Variants in STIM2 observed in about 807,000 individuals in gnomAD.
The protein encoded by STIM2 is stromal interaction molecule 2.
In STIM2, 31 loss-of-function variants were observed where a neutral mutation model predicts 85.8. The ratio of observed to expected loss-of-function variants is 0.36; its 90% CI spans 0.27 to 0.49. The LOEUF is 0.49. STIM2 is among the 20% of genes least tolerant of loss of function. STIM2 has a pLI of 0.98. For missense variants in STIM2, 841 were observed against 927.6 expected, an observed-to-expected ratio of 0.91 and a Z score of 1.21; for synonymous variants, 356 against 331.1, an observed-to-expected ratio of 1.08 and a Z score of -0.82.
chr4:26,900,596 ATTAC>A (rs1159896236), intron 1 of STIM2, among the ~76,000 whole-genome samples: 2 of 152,176 alleles, frequency 1.3e-5, no homozygotes, highest in Non-Finnish European at 1.5e-5. Context: ...TTTAAAAACT[ATTAC>A]TTCAGTATAA....
chr4:26,919,117 T>C (rs960897760), intron 1 of STIM2, among the ~76,000 whole-genome samples: 2 of 151,560 alleles, frequency 1.3e-5, no homozygotes, highest in African/African-American at 4.9e-5. Context: ...TATTCTGTGA[T>C]TTTTTAGTGT....
chr4:26,994,732 CT>C (rs528521944), intron 3 of STIM2, among the ~76,000 whole-genome samples: 2 of 151,866 alleles, frequency 1.3e-5, no homozygotes, highest in Non-Finnish European at 2.9e-5. Flanking sequence ...CATCTGAAGG[CT>C]TTTTTTTACA....
At chr4:26,912,927 T>A (rs1303283355) in intron 1 of STIM2, among the ~76,000 whole-genome samples, 3 of 152,152 alleles carry the variant, frequency 2.0e-5, no homozygotes, top group Non-Finnish European at 1.5e-5. Flanking sequence ...GTTGTCAGGC[T>A]TGTGCATTGC....
intron 1 of STIM2, among the ~76,000 whole-genome samples, chr4:26,879,100 G>C (rs1392544279): frequency 2.0e-5 from 3 of 152,274 alleles, no homozygotes; most frequent in Middle Eastern, 3.4e-3. Context: ...ATTGCATTCA[G>C]ATTGACTCAT....
chr4:26,917,645 TC>T (rs1296937325), intron 1 of STIM2, among the ~76,000 whole-genome samples: 2 of 152,156 alleles, frequency 1.3e-5, no homozygotes, highest in Non-Finnish European at 2.9e-5. Flanking sequence ...TCTTAAAGCT[TC>T]CTGTGGTTAT....
chr4:26,900,515 A>G (rs1221600097), intron 1 of STIM2, among the ~76,000 whole-genome samples: 1 of 152,204 alleles, frequency 6.6e-6, no homozygotes, highest in Non-Finnish European at 1.5e-5. Flanking sequence ...AAATTAATCT[A>G]ATACAGTAAG....
intron 2 of STIM2, among the ~76,000 whole-genome samples, chr4:26,928,658 A>T (rs1249233280): frequency 1.3e-5 from 2 of 152,086 alleles, no homozygotes; most frequent in Non-Finnish European, 2.9e-5. Context: ...ACAGGCATGC[A>T]CCAGCGTTTA....
intron 1 of STIM2, among the ~76,000 whole-genome samples, chr4:26,867,986 T>C (rs1300343010): frequency 2.0e-5 from 3 of 152,240 alleles, no homozygotes; most frequent in African/African-American, 7.2e-5. Context: ...GATTTTTGGC[T>C]TTATTTCCTT....
At chr4:26,951,703 G>C (rs1341917263) in intron 2 of STIM2, among the ~76,000 whole-genome samples, 1 of 151,886 alleles carries the variant, frequency 6.6e-6, no homozygotes, top group African/African-American at 2.4e-5. Context: ...TTTTTCATTT[G>C]TTAAATCTGA....
intron 1 of STIM2, among the ~76,000 whole-genome samples, chr4:26,864,873 C>T (rs938690598): frequency 6.6e-6 from 1 of 152,154 alleles, no homozygotes; most frequent in Non-Finnish European, 1.5e-5. Context: ...CTCAAATTAG[C>T]ATGATTGTCA....
chr4:26,914,554 C>A (rs1332748525), intron 1 of STIM2, among the ~76,000 whole-genome samples: 1 of 152,076 alleles, frequency 6.6e-6, no homozygotes, highest in Non-Finnish European at 1.5e-5. Flanking sequence ...CTTTTGTGTA[C>A]CCAGCTTCTA....
At chr4:26,954,861 T>A (rs1726185434) in intron 2 of STIM2, among the ~76,000 whole-genome samples, 1 of 147,970 alleles carries the variant, frequency 6.8e-6, no homozygotes, top group Non-Finnish European at 1.5e-5. Context: ...ATGTGGTTTG[T>A]TACGAGTTAT....
chr4:26,986,271 C>T (rs1727582966), intron 3 of STIM2, among the ~76,000 whole-genome samples: 1 of 152,164 alleles, frequency 6.6e-6, no homozygotes, highest in African/African-American at 2.4e-5. Flanking sequence ...ATGTTTGGTA[C>T]TACTATTATT....
Position 26,995,370 on chromosome 4 carries a change from C to G in STIM2, c.398-9C>G, listed in dbSNP as rs375697117. On this transcript the variant is annotated splice_polypyrimidine_tract_variant and intron_variant, in intron 3 of 11. Coordinates refer to ENST00000467087, the MANE Select transcript of STIM2 (RefSeq NM_020860.4). ...TTTAAAATATGCATTCCCCTTTTAT[C>G]TCCTGCAGTTCATAATTGGACCCTT... The G allele has an allele frequency of 3.8e-5, 57 of 1,508,870 alleles. No homozygotes were observed. The African/African-American group carries it at 7.6e-4, about 20-fold the overall frequency. The allele number at this position is 1,508,870 out of a possible 1,614,324, so 93.5% of individuals were successfully genotyped here.
At chr4:27,016,495 T>G (rs1728737524) in intron 10 of STIM2, among the ~76,000 whole-genome samples, 2 of 152,234 alleles carry the variant, frequency 1.3e-5, no homozygotes, top group African/African-American at 4.8e-5. Context: ...GTTTTTTATA[T>G]TAACTCTTTG....
chr4:26,883,620 C>G (rs1723105183), intron 1 of STIM2, among the ~76,000 whole-genome samples: 1 of 151,946 alleles, frequency 6.6e-6, no homozygotes. Context: ...TTTAACAGAT[C>G]CATTCTTTGT....
intron 1 of STIM2, among the ~76,000 whole-genome samples, chr4:26,916,958 G>A (rs941382515): frequency 6.6e-6 from 1 of 152,190 alleles, no homozygotes; most frequent in Admixed American, 6.5e-5. Flanking sequence ...AATTCCTAAT[G>A]CCTGTCACTG....
intron 1 of STIM2, among the ~76,000 whole-genome samples, chr4:26,865,001 A>C (rs1383256003): frequency 6.6e-6 from 1 of 152,192 alleles, no homozygotes; most frequent in Non-Finnish European, 1.5e-5. Flanking sequence ...TTTACAAATA[A>C]CTTACACATG....
intron 1 of STIM2, among the ~76,000 whole-genome samples, chr4:26,909,545 A>G (rs1315810761): frequency 2.0e-5 from 3 of 152,210 alleles, no homozygotes; most frequent in African/African-American, 7.2e-5. Context: ...AAAACAACGT[A>G]TTGCACTTGG....
Sources: gnomAD v4.1 joint callset for allele counts (sites outside exome capture counted in the v4.1 genomes callset) on GRCh38, gnomAD v4.1.1 for gene constraint, MANE v1.5 for transcripts, NCBI Gene and HGNC (gene_info 2026-07-23, HGNC 2026-07-21) for gene names.